EIF4B: variants seen among roughly 807,000 people sequenced by gnomAD.
EIF4B encodes the protein eukaryotic translation initiation factor 4B.
EIF4B carries 8 observed loss-of-function variants against 79.3 expected under a neutral mutation model. The ratio of observed to expected loss-of-function variants is 0.10; its 90% confidence interval spans 0.06 to 0.18. EIF4B has a LOEUF of 0.18. Ranked by LOEUF, EIF4B falls within the 10% of genes least tolerant of loss-of-function variation. The probability of loss-of-function intolerance (pLI) is 1.00; values close to 1 mark genes in which losing one functional copy is unlikely to be tolerated. For missense variants in EIF4B, 515 were observed against 792.4 expected (o/e 0.65, Z 4.20); for synonymous variants, 238 against 274.7 (o/e 0.87, Z 1.32).
chr12:53,008,269 TA>T (rs995939981), intron 1 of EIF4B, among the ~76,000 whole-genome samples: 2 of 152,230 alleles, frequency 1.3e-5, no homozygotes, highest in African/African-American at 4.8e-5. Flanking sequence ...TCCAGACTGA[TA>T]AAAGGGATTT....
At chr12:53,011,873 T>A (rs1943070480) in intron 1 of EIF4B, among the ~76,000 whole-genome samples, 1 of 152,258 alleles carries the variant, frequency 6.6e-6, no homozygotes, top group African/African-American at 2.4e-5. Context: ...GTGATTGATT[T>A]GTTAACTTTT....
At chr12:53,021,297 T>G (rs1247395928) in intron 4 of EIF4B, among the ~76,000 whole-genome samples, 1 of 152,178 alleles carries the variant, frequency 6.6e-6, no homozygotes, top group Non-Finnish European at 1.5e-5. Flanking sequence ...TATAAATGTG[T>G]TGGGTGTTTT....
At chr12:53,026,133 G>C (rs531243747) in intron 6 of EIF4B, among the ~76,000 whole-genome samples, 1 of 152,100 alleles carries the variant, frequency 6.6e-6, no homozygotes, top group South Asian at 2.1e-4. Context: ...ATCCCTGTTT[G>C]TCCCCCATAC....
At chr12:53,025,306 C>A (rs1266946587) in intron 6 of EIF4B, 2 of 450,346 alleles carry the variant, frequency 4.4e-6, no homozygotes, top group African/African-American at 4.0e-5. Flanking sequence ...ACTTTTCTCA[C>A]CTGAAACCTT....
chr12:53,020,831 C>G (rs1361277279), intron 4 of EIF4B, among the ~76,000 whole-genome samples: 2 of 152,120 alleles, frequency 1.3e-5, no homozygotes, highest in Non-Finnish European at 2.9e-5. Context: ...AAGGTCTAAT[C>G]TTGTTCCAGA....
chr12:53,018,140 G>C (rs1943177912), intron 2 of EIF4B, among the ~76,000 whole-genome samples: 1 of 152,158 alleles, frequency 6.6e-6, no homozygotes. Context: ...ACTGGCACAT[G>C]CCACCACACC....
In EIF4B at chr12:53,010,851, G is replaced by C. The variant is rs886851695; in HGVS notation, c.13+4355G>C. On this transcript the variant is annotated intron_variant, in intron 1 of 14. Transcript: ENST00000262056. ...GCCTCCCGGAGTACTGGGATTACAG[G>C]CATGAGCCACCACACCTGGCCTAAA... Among the ~76,000 whole-genome samples, 3 of 152,142 alleles carry C rather than the reference G, an allele frequency of 2.0e-5. 1 individual carries two copies. The highest frequency in any genetic ancestry group is 7.2e-5 in the African/African-American group (3 of 41,424).
chr12:53,007,518 C>T (rs1410244441), intron 1 of EIF4B, among the ~76,000 whole-genome samples: 1 of 132,400 alleles, frequency 7.6e-6, no homozygotes, highest in East Asian at 2.3e-4. Context: ...TTGCTTACTT[C>T]TTTAGACAAC....
intron 4 of EIF4B, among the ~76,000 whole-genome samples, chr12:53,020,424 G>A (rs117203239): frequency 0.03 from 4,534 of 152,242 alleles, 124 homozygotes; most frequent in Middle Eastern, 0.051. Context: ...CATTTTCAGG[G>A]AAGTGTTGTA....
chr12:53,017,351 A>T (rs1271178725), intron 2 of EIF4B, among the ~76,000 whole-genome samples: 1 of 151,914 alleles, frequency 6.6e-6, no homozygotes, highest in Non-Finnish European at 1.5e-5. Flanking sequence ...ATAAAATCAG[A>T]GTGTCCTTGG....
At chr12:53,009,083 A>C (rs73301515) in intron 1 of EIF4B, among the ~76,000 whole-genome samples, 2 of 152,168 alleles carry the variant, frequency 1.3e-5, no homozygotes, top group African/African-American at 4.8e-5. Context: ...TTAAATTTTC[A>C]TTGTGACTAC....
rs1943363811 is a variant in EIF4B, at chr12:53,027,841, G to C, written c.727G>C (p.Asp243His). 1 of 1,613,876 alleles carries C rather than the reference G, an allele frequency of 6.2e-7. No homozygotes were observed. The highest frequency in any genetic ancestry group is 8.5e-7 in the Non-Finnish European group (1 of 1,179,836). ...GGATGGGTATCGGGATGGGTATCGG[G>C]ATGGCCCACGCCGGGATATGGATCG... is the stretch of plus-strand genomic sequence containing the variant. ...YRDGYRDGYR[D>H]GPRRDMDRYG... Residue 243 changes from aspartate to histidine, a missense_variant, in exon 7 of 15, where the codon GAT (aspartate) becomes CAT (histidine). Physicochemically the swap from Asp to His is moderately conservative, Grantham distance 81 (BLOSUM62 -1). Around this residue, in one of 6 missense-constraint regions of EIF4B, gnomAD observed 187 missense variants for 256.5 expected, o/e 0.73. Coordinates refer to ENST00000262056, the MANE Select transcript of EIF4B (RefSeq NM_001417.7).
Position 53,040,148 on chromosome 12 carries a change from C to T in EIF4B, c.1761C>T (p.Phe587=). 1 of 1,614,100 alleles carries T rather than the reference C, an allele frequency of 6.2e-7. No individual in the cohort carries two copies. Among genetic ancestry groups the T allele is most frequent in the Non-Finnish European group, 8.5e-7 (1 of 1,179,994 alleles). The change falls in exon 15 of 15, where the codon TTC becomes TTT. Residue 587 remains phenylalanine, a synonymous_variant. Transcript: ENST00000262056. ...KKPEENPASK[F]SSASKYAALS... ...TCACTCTCGTTGTGTTACAGAAGTT[C>T]AGTTCTGCAAGCAAGTATGCTGCTC... is the stretch of plus-strand genomic sequence containing the variant.
chr12:53,037,362 G>A (rs1293118861), intron 10 of EIF4B, 47 bp from the exon 11 acceptor site: 1 of 1,569,250 alleles, frequency 6.4e-7, no homozygotes, highest in East Asian at 2.3e-5. Flanking sequence ...GTAGATGCGT[G>A]AGCATCTGCA....
chr12:53,039,563 G>A, intron 13 of EIF4B, 67 bp from the exon 14 acceptor site: 2 of 1,567,694 alleles, frequency 1.3e-6, no homozygotes, highest in Non-Finnish European at 1.7e-6. Flanking sequence ...GAAACTGCAT[G>A]CATACACATG....
rs561749624 is a variant in EIF4B, at chr12:53,028,162, G to A, written c.953G>A (p.Arg318Gln). 6.8e-6 allele frequency: 11 copies of A among 1,610,050 alleles called. No individual in the cohort carries two copies. Among genetic ancestry groups the A allele is most frequent in the African/African-American group, 4.0e-5 (3 of 74,706 alleles). ...RSWSSRDDYS[R>Q]DDYRRDDRGP... ...TGGAGCTCCAGAGATGATTACTCTC[G>A]GGATGATTATAGGCGTGATGATAGA... The change falls in exon 8 of 15, where the codon CGG becomes CAG. Residue 318 changes from arginine (R) to glutamine (Q), a missense_variant. By Grantham distance (43) the Arg-to-Gln change is conservative. Transcript: ENST00000262056.
At chr12:53,014,390 A>G (rs1337921401) in intron 1 of EIF4B, among the ~76,000 whole-genome samples, 2 of 151,106 alleles carry the variant, frequency 1.3e-5, no homozygotes, top group Non-Finnish European at 3.0e-5. Flanking sequence ...TCCAGCCTGT[A>G]TGACAAAGCG....
chr12:53,029,378 T>A (rs866487423), intron 8 of EIF4B, among the ~76,000 whole-genome samples: 1 of 8,032 alleles, frequency 1.2e-4, no homozygotes, highest in African/African-American at 1.4e-4. Flanking sequence ...TTTTATTTTA[T>A]TTTTTTTTTT....
At chr12:53,009,204 G>A (rs567483928) in intron 1 of EIF4B, among the ~76,000 whole-genome samples, 41 of 152,186 alleles carry the variant, frequency 2.7e-4, no homozygotes, top group East Asian at 2.3e-3. Flanking sequence ...AATCAAATGC[G>A]TTTGATACAG....
Sources: gnomAD v4.1 joint callset for allele counts (sites outside exome capture counted in the v4.1 genomes callset) on GRCh38, gnomAD v4.1.1 for gene constraint, gnomAD v4.1.1 regional missense constraint, MANE v1.5 for transcripts, NCBI Gene and HGNC (gene_info 2026-07-23, HGNC 2026-07-21) for gene names.